FRMD4A: variants seen among roughly 807,000 people sequenced by gnomAD.
The protein encoded by FRMD4A is FERM domain-containing protein 4A.
Under a neutral mutation model 129.1 loss-of-function variants are expected in FRMD4A, and 29 were observed. The observed-to-expected ratio is 0.22, with a 90% CI of 0.17 to 0.31. The LOEUF (loss-of-function observed/expected upper bound fraction) is 0.31, where lower values mean the gene tolerates loss of function less well. FRMD4A is among the 10% of genes least tolerant of loss of function. The pLI is 1.00. For missense variants in FRMD4A, 1,272 were observed against 1,375.8 expected, an observed-to-expected ratio of 0.92 and a Z score of 1.19; for synonymous variants, 634 against 571.6, an observed-to-expected ratio of 1.11 and a Z score of -1.56.
intron 2 of FRMD4A, among the ~76,000 whole-genome samples, chr10:14,139,096 T>A (rs1289867078): frequency 6.6e-6 from 1 of 152,240 alleles, no homozygotes; most frequent in Admixed American, 6.5e-5. Flanking sequence ...TTGTTAACAT[T>A]TTTTGTAATC....
intron 2 of FRMD4A, among the ~76,000 whole-genome samples, chr10:14,011,856 A>G (rs2095683660): frequency 6.6e-6 from 1 of 152,062 alleles, no homozygotes; most frequent in Non-Finnish European, 1.5e-5. Flanking sequence ...TAAGAACACA[A>G]ACATTAGCTG....
At chr10:13,990,308 C>T (rs899550761) in intron 2 of FRMD4A, among the ~76,000 whole-genome samples, 3 of 152,150 alleles carry the variant, frequency 2.0e-5, no homozygotes, top group Admixed American at 1.3e-4. Flanking sequence ...TGCTCCTGGC[C>T]ATTTTCTTGG....
intron 2 of FRMD4A, among the ~76,000 whole-genome samples, chr10:14,036,428 C>G (rs564774407): frequency 1.4e-4 from 22 of 152,274 alleles, no homozygotes; most frequent in Admixed American, 5.9e-4. Context: ...AGATAAACAC[C>G]CCGCCTTCCT....
intron 2 of FRMD4A, among the ~76,000 whole-genome samples, chr10:13,930,818 A>C (rs909379784): frequency 6.6e-6 from 1 of 151,988 alleles, no homozygotes; most frequent in Non-Finnish European, 1.5e-5. Context: ...AGAAAGATTT[A>C]TAAAATTTTA....
chr10:14,170,957 G>T (rs1358249867), intron 2 of FRMD4A, among the ~76,000 whole-genome samples: 1 of 151,538 alleles, frequency 6.6e-6, no homozygotes, highest in Admixed American at 6.6e-5. Context: ...CCTTACCAAA[G>T]TGCTCCCTGC....
At chr10:13,676,428 ATTTT>A (rs60180649) in intron 15 of FRMD4A, among the ~76,000 whole-genome samples, 11 of 128,862 alleles carry the variant, frequency 8.5e-5, no homozygotes, top group East Asian at 6.9e-4. Flanking sequence ...ACACCCAGCT[ATTTT>A]TTTTTTTTTT....
At chr10:13,948,653 T>C (rs939360859) in intron 2 of FRMD4A, among the ~76,000 whole-genome samples, 6 of 143,486 alleles carry the variant, frequency 4.2e-5, no homozygotes, top group Non-Finnish European at 9.1e-5. Context: ...AGAGGATTTT[T>C]TTTTTTTTTT....
chr10:13,903,589 T>C (rs1191188492), intron 2 of FRMD4A, among the ~76,000 whole-genome samples: 1 of 149,690 alleles, frequency 6.7e-6, no homozygotes, highest in Non-Finnish European at 1.5e-5. Context: ...AAATAAAAAT[T>C]AGCCAGGTGT....
chr10:13,664,844 G>C (rs1326053639), intron 18 of FRMD4A, among the ~76,000 whole-genome samples: 1 of 151,982 alleles, frequency 6.6e-6, no homozygotes, highest in Admixed American at 6.6e-5. Context: ...TGAGTAGCTG[G>C]GACTATAGGT....
chr10:14,233,807 G>A (rs1843712190), intron 2 of FRMD4A, among the ~76,000 whole-genome samples: 1 of 152,238 alleles, frequency 6.6e-6, no homozygotes, highest in Non-Finnish European at 1.5e-5. Context: ...GCACTTGATT[G>A]GCTTTCGCAA....
chr10:14,202,318 C>G (rs189360204), intron 2 of FRMD4A, among the ~76,000 whole-genome samples: 1 of 152,308 alleles, frequency 6.6e-6, no homozygotes, highest in Non-Finnish European at 1.5e-5. Context: ...GGAAAAGACA[C>G]AGAAAAGCCT....
At chr10:13,962,757 A>G (rs1277099351) in intron 2 of FRMD4A, among the ~76,000 whole-genome samples, 5 of 152,216 alleles carry the variant, frequency 3.3e-5, no homozygotes, top group African/African-American at 1.2e-4. Flanking sequence ...GTTGATTCCC[A>G]CAGTGCTTTG....
chr10:14,003,929 T>C (rs148878690), intron 2 of FRMD4A, among the ~76,000 whole-genome samples: 12 of 152,390 alleles, frequency 7.9e-5, no homozygotes, highest in African/African-American at 2.4e-4. Context: ...CTCATTTATA[T>C]GTTTTGTTCT....
chr10:13,780,310 G>T (rs1244993770), intron 6 of FRMD4A, among the ~76,000 whole-genome samples: 1 of 143,530 alleles, frequency 7.0e-6, no homozygotes. Context: ...CTGGGCAACA[G>T]AGTGAGACTG....
At chr10:14,022,525 T>C (rs986204161) in intron 2 of FRMD4A, among the ~76,000 whole-genome samples, 1 of 152,216 alleles carries the variant, frequency 6.6e-6, no homozygotes, top group Non-Finnish European at 1.5e-5. Flanking sequence ...TAATGTTAAA[T>C]GTGATTTAAA....
chr10:13,960,612 T>C (rs2095440390), intron 2 of FRMD4A, among the ~76,000 whole-genome samples: 1 of 152,216 alleles, frequency 6.6e-6, no homozygotes, highest in Non-Finnish European at 1.5e-5. Context: ...AGACTTACCC[T>C]CTTGGAGTAA....
intron 3 of FRMD4A, among the ~76,000 whole-genome samples, chr10:13,857,323 G>A (rs981063235): frequency 2.0e-5 from 3 of 151,988 alleles, no homozygotes; most frequent in African/African-American, 7.3e-5. Context: ...CCATAACTTA[G>A]AAAATGTTAG....
At chr10:14,179,850 A>G (rs1564367265) in intron 2 of FRMD4A, among the ~76,000 whole-genome samples, 1 of 152,212 alleles carries the variant, frequency 6.6e-6, no homozygotes, top group Non-Finnish European at 1.5e-5. Context: ...CCTGATCAAT[A>G]TGACAAAACC....
At chr10:13,899,013 G>A (rs1010555421) in intron 2 of FRMD4A, among the ~76,000 whole-genome samples, 1 of 151,676 alleles carries the variant, frequency 6.6e-6, no homozygotes, top group African/African-American at 2.4e-5. Context: ...TGAGACCCCT[G>A]TCTCTACAAA....
Sources: allele counts gnomAD v4.1 joint callset (sites outside exome capture counted in the v4.1 genomes callset), GRCh38; gene constraint gnomAD v4.1.1; transcripts MANE v1.5; gene names NCBI Gene and HGNC (gene_info 2026-07-23, HGNC 2026-07-21).